The following LAMA2 variants were observed in gnomAD, a reference collection of about 807,000 sequenced individuals.
The protein encoded by LAMA2 is laminin subunit alpha 2, also known as laminin subunit alpha-2.
LAMA2 carries 269 observed loss-of-function variants against 364.8 expected under a neutral mutation model. The ratio of observed to expected loss-of-function variants is 0.74; its 90% CI spans 0.67 to 0.82. LAMA2 has a LOEUF of 0.82. Ranked by LOEUF, LAMA2 falls within the 40% of genes least tolerant of loss-of-function variation. The pLI, the probability that LAMA2 is intolerant of heterozygous loss-of-function variation, is 0.00. For missense variants in LAMA2, 3,807 were observed against 3,873.2 expected (o/e 0.98, Z 0.45); for synonymous variants, 1,379 against 1,370.6 (o/e 1.01, Z -0.14).
intron 1 of LAMA2, among the ~76,000 whole-genome samples, chr6:129,016,808 TA>T (rs1785103848): frequency 6.6e-6 from 1 of 151,774 alleles, no homozygotes; most frequent in Non-Finnish European, 1.5e-5. Context: ...TTGAGGTTTT[TA>T]TTTATTACAA....
intron 3 of LAMA2, among the ~76,000 whole-genome samples, chr6:129,086,196 C>G (rs1296833711): frequency 1.3e-5 from 2 of 152,218 alleles, no homozygotes; most frequent in African/African-American, 4.8e-5. Flanking sequence ...AACTTCTCAT[C>G]TATCAATGCA....
At chr6:129,463,865 G>A (rs980906685) in intron 49 of LAMA2, among the ~76,000 whole-genome samples, 2 of 151,856 alleles carry the variant, frequency 1.3e-5, no homozygotes, top group Middle Eastern at 3.2e-3. Context: ...CTCCTTAATC[G>A]TCTGAATCTA....
chr6:129,298,266 G>A (rs577290911), intron 21 of LAMA2, among the ~76,000 whole-genome samples: 13 of 152,062 alleles, frequency 8.5e-5, no homozygotes, highest in South Asian at 2.1e-4. Flanking sequence ...ATTGGTATCC[G>A]GATCAAGAAA....
chr6:129,320,896 A>C (rs1774924531), intron 28 of LAMA2, among the ~76,000 whole-genome samples: 1 of 152,232 alleles, frequency 6.6e-6, no homozygotes, highest in African/African-American at 2.4e-5. Flanking sequence ...ATCAGGAATT[A>C]AGAATGTTTT....
intron 20 of LAMA2, among the ~76,000 whole-genome samples, chr6:129,296,875 T>G (rs973861608): frequency 2.6e-5 from 4 of 152,178 alleles, no homozygotes; most frequent in Admixed American, 2.6e-4. Flanking sequence ...TCCATCAGCA[T>G]TTTCTAACGT....
chr6:129,084,032 C>T (rs1774227924), intron 3 of LAMA2, among the ~76,000 whole-genome samples: 1 of 152,228 alleles, frequency 6.6e-6, no homozygotes, highest in South Asian at 2.1e-4. Flanking sequence ...AAGTTAAAGG[C>T]CGGCACAATA....
chr6:128,903,675 T>C (rs907378017), intron 1 of LAMA2, among the ~76,000 whole-genome samples: 3 of 152,208 alleles, frequency 2.0e-5, no homozygotes, highest in African/African-American at 7.2e-5. Flanking sequence ...GCTTTATTAT[T>C]CCCTTGTAGG....
intron 58 of LAMA2, among the ~76,000 whole-genome samples, chr6:129,497,153 T>C (rs1467651703): frequency 6.6e-6 from 1 of 152,244 alleles, no homozygotes; most frequent in Non-Finnish European, 1.5e-5. Context: ...GTTTGATATG[T>C]AATGATGATA....
At chr6:129,224,500 A>G (rs1784107174) in intron 12 of LAMA2, among the ~76,000 whole-genome samples, 1 of 152,072 alleles carries the variant, frequency 6.6e-6, no homozygotes, top group South Asian at 2.1e-4. Flanking sequence ...GATAGCTCTT[A>G]TTATTTTGAG....
rs147957901 is a variant in LAMA2, at chr6:128,943,416, T to G, written c.112+60059T>G. 7.9e-3 allele frequency among the ~76,000 whole-genome samples: 1,206 copies of G among 152,048 alleles called. 17 individuals carry two copies. The highest frequency in any genetic ancestry group is 0.024 in the Middle Eastern group (7 of 294). On this transcript the variant is annotated intron_variant, in intron 1 of 64. Coordinates refer to ENST00000421865, the MANE Select transcript of LAMA2 (RefSeq NM_000426.4). Reference sequence around the variant, plus strand: ...CTCATGCCTCAGCCTTCTGAGTGGCTGGGACTCCCAGCATTCACCACCACA... The same window carrying G: ...CTCATGCCTCAGCCTTCTGAGTGGCGGGGACTCCCAGCATTCACCACCACA...
chr6:129,147,305 T>A (rs1778521325), intron 6 of LAMA2, among the ~76,000 whole-genome samples: 1 of 151,310 alleles, frequency 6.6e-6, no homozygotes, highest in African/African-American at 2.4e-5. Flanking sequence ...AACTGGTCTA[T>A]TTTGAAATCT....
chr6:128,900,217 T>C (rs1198781884), intron 1 of LAMA2, among the ~76,000 whole-genome samples: 1 of 152,212 alleles, frequency 6.6e-6, no homozygotes. Context: ...ACGCAGTACC[T>C]ATATTCTTCT....
intron 22 of LAMA2, among the ~76,000 whole-genome samples, chr6:129,304,516 G>A (rs1280251054): frequency 1.3e-5 from 2 of 152,210 alleles, no homozygotes; most frequent in Non-Finnish European, 2.9e-5. Context: ...GCCAGCCTCA[G>A]CCTCCCAAAA....
intron 8 of LAMA2, among the ~76,000 whole-genome samples, chr6:129,163,098 C>T (rs1483071177): frequency 6.6e-6 from 1 of 151,966 alleles, no homozygotes; most frequent in Non-Finnish European, 1.5e-5. Context: ...AAATTTTAGG[C>T]TATTTTTTTT....
intron 32 of LAMA2, among the ~76,000 whole-genome samples, chr6:129,354,466 C>G (rs1459774775): frequency 6.6e-6 from 1 of 151,996 alleles, no homozygotes; most frequent in Non-Finnish European, 1.5e-5. Flanking sequence ...TATATACACA[C>G]TAATTCTTCC....
intron 3 of LAMA2, among the ~76,000 whole-genome samples, chr6:129,070,619 T>G (rs546500496): frequency 1.3e-5 from 2 of 152,280 alleles, no homozygotes; most frequent in African/African-American, 4.8e-5. Flanking sequence ...CCTTACTTAT[T>G]ACTAGTATGC....
At chr6:129,132,087 A>G (rs1777515089) in intron 4 of LAMA2, among the ~76,000 whole-genome samples, 1 of 152,038 alleles carries the variant, frequency 6.6e-6, no homozygotes, top group African/African-American at 2.4e-5. Context: ...ATGAGACTAT[A>G]GGCCATCCCC....
chr6:129,168,848 T>C (rs1282599658), intron 9 of LAMA2, among the ~76,000 whole-genome samples: 2 of 144,130 alleles, frequency 1.4e-5, no homozygotes, highest in South Asian at 2.3e-4. Flanking sequence ...CCTTGAGCAG[T>C]GGTTTGTAGT....
At chr6:129,339,534 T>A (rs1776140014) in intron 29 of LAMA2, among the ~76,000 whole-genome samples, 1 of 152,108 alleles carries the variant, frequency 6.6e-6, no homozygotes, top group Non-Finnish European at 1.5e-5. Context: ...CACCATTAAC[T>A]GAAGTCATAG....
Sources: allele counts gnomAD v4.1 joint callset (sites outside exome capture counted in the v4.1 genomes callset), GRCh38; gene constraint gnomAD v4.1.1; transcripts MANE v1.5; gene names NCBI Gene and HGNC (gene_info 2026-07-23, HGNC 2026-07-21).